The following RARG variants were observed in gnomAD, a reference collection of about 807,000 sequenced individuals.
RARG encodes the protein RAR-gamma.
A neutral mutation model predicts 43.7 loss-of-function variants in RARG; 17 were observed. That is an observed-to-expected ratio of 0.39 (90% CI 0.27 to 0.58). The LOEUF (loss-of-function observed/expected upper bound fraction) is 0.58, where lower values mean the gene tolerates loss of function less well. Ranked by LOEUF, RARG falls within the 20% of genes least tolerant of loss-of-function variation. RARG has a pLI of 0.57. For missense variants in RARG, 346 were observed against 598.7 expected, an observed-to-expected ratio of 0.58 and a Z score of 4.40; for synonymous variants, 238 against 236.4, an observed-to-expected ratio of 1.01 and a Z score of -0.06.
rs1942598452 is a variant in RARG, at chr12:53,211,876, GAGAA to G, written c.1178-17_1178-14del. The G allele has an allele frequency of 4.2e-6, 6 of 1,412,302 alleles. No homozygotes were observed. The highest frequency in any genetic ancestry group is 5.6e-6 in the Non-Finnish European group (6 of 1,063,976). The allele number at this position is 1,412,302 out of a possible 1,614,324, so 87.5% of individuals were successfully genotyped here. On this transcript the variant is annotated splice_polypyrimidine_tract_variant and intron_variant, in intron 9 of 9. Coordinates refer to ENST00000425354, the MANE Select transcript of RARG (RefSeq NM_000966.6). The surrounding 1 kb of genome is among the most constrained non-coding windows in gnomAD (Gnocchi z 4.6). Reference sequence around the variant, plus strand: ...GCCCTTTCAGCTCCTACAATGGAGAGAGAAAGAGAGAGGCTCAGGAGGACAGAGG... The same window carrying G: ...GCCCTTTCAGCTCCTACAATGGAGAGAGAGAGAGGCTCAGGAGGACAGAGG...
chr12:53,216,423 A>G (rs1441522186), intron 3 of RARG, among the ~76,000 whole-genome samples: 1 of 152,158 alleles, frequency 6.6e-6, no homozygotes, highest in African/African-American at 2.4e-5. Flanking sequence ...ACCATCAGAG[A>G]CAGTGGAGCA....
chr12:53,214,899 C>T (rs1942717594), intron 5 of RARG: 3 of 423,810 alleles, frequency 7.1e-6, no homozygotes, highest in Non-Finnish European at 1.3e-5. Flanking sequence ...ATGCAGGCGG[C>T]AGGATATCCA....
At chr12:53,220,904 C>T (rs928176458) in intron 3 of RARG, among the ~76,000 whole-genome samples, 1 of 152,168 alleles carries the variant, frequency 6.6e-6, no homozygotes, top group Non-Finnish European at 1.5e-5. Flanking sequence ...ACCTCCACCC[C>T]TCTCATTCCC....
Position 53,213,411 on chromosome 12 carries a change from C to T in RARG, c.1018+85G>A. The T allele has an allele frequency of 6.5e-7, 1 of 1,531,958 alleles. No homozygotes were observed. Among genetic ancestry groups the T allele is most frequent in the South Asian group, 1.1e-5 (1 of 88,356 alleles). The allele number at this position is 1,531,958 out of a possible 1,614,324, so 94.9% of individuals were successfully genotyped here. A position where few individuals can be genotyped will look rare whatever the true frequency, so the allele number is the denominator to read the frequency against. On this transcript the variant is annotated intron_variant, in intron 8 of 9. Transcript: ENST00000425354. This position sits in a 1 kb window ranked among gnomAD's most constrained non-coding sequence, Gnocchi z 4.7. ...CCAGCAGAAGAGACCACTGGGTCCT[C>T]CACGCCCCCTCCCAGACAGATTCCG...
chr12:53,219,978 A>C, intron 3 of RARG: 1 of 1,518,956 alleles, frequency 6.6e-7, no homozygotes, highest in Non-Finnish European at 8.8e-7. Context: ...GCGGCCAGGC[A>C]AAAGATTCAA....
chr12:53,213,387 C>T lies in RARG; in HGVS notation c.1018+109G>A. 1 of 1,492,244 alleles carries T rather than the reference C, an allele frequency of 6.7e-7. No individual in the cohort carries two copies. Among genetic ancestry groups the T allele is most frequent in the Non-Finnish European group, 9.2e-7 (1 of 1,084,992 alleles). The allele number at this position is 1,492,244 out of a possible 1,614,324, so 92.4% of individuals were successfully genotyped here. A position where few individuals can be genotyped will look rare whatever the true frequency, so the allele number is the denominator to read the frequency against. Reference sequence around the variant, plus strand: ...GGATGGGGCCAGGTGCAAGAATTACCAGCAGAAGAGACCACTGGGTCCTCC... The same window carrying T: ...GGATGGGGCCAGGTGCAAGAATTACTAGCAGAAGAGACCACTGGGTCCTCC... On this transcript the variant is annotated intron_variant, in intron 8 of 9. Transcript: ENST00000425354. This position sits in a 1 kb window ranked among gnomAD's most constrained non-coding sequence, Gnocchi z 4.7.
intron 9 of RARG, 146 bp downstream of exon 9, chr12:53,212,939 C>A: frequency 9.8e-7 from 1 of 1,018,834 alleles, no homozygotes. Context: ...CCCAAAGTCT[C>A]CCACTACTAT....
intron 3 of RARG, among the ~76,000 whole-genome samples, chr12:53,218,164 G>A (rs970596556): frequency 3.3e-5 from 5 of 151,950 alleles, no homozygotes; most frequent in Admixed American, 6.6e-5. Flanking sequence ...GCCTGCCAAC[G>A]CAGCACCAGG....
Position 53,227,475 on chromosome 12 carries a change from C to T in RARG, c.71G>A (p.Gly24Asp), listed in dbSNP as rs772794468. 3 of 1,610,046 alleles carry T rather than the reference C, an allele frequency of 1.9e-6. No homozygotes were observed. In the South Asian group the frequency reaches 3.3e-5, roughly 18 times the overall value. ...TGCCCCTGGGAAGGCGAAGGGGAAA[C>T]CTGCCCCTGGGTAGCCAGATCCAGG... ...LGPGSGYPGAGFPFAFPGALR... is the reference protein window; with the variant it reads ...LGPGSGYPGADFPFAFPGALR... Residue 24 changes from glycine to aspartate, a missense_variant, in exon 3 of 10, where the codon GGT becomes GAT. By Grantham distance (94) the Gly-to-Asp change is moderately conservative. This residue lies in a region of RARG where 90 missense variants were observed against 93.2 expected (regional missense o/e 0.97). Transcript: ENST00000425354. This position sits in a 1 kb window ranked among gnomAD's most constrained non-coding sequence, Gnocchi z 4.3.
At chr12:53,221,736 C>T (rs1255681888) in intron 3 of RARG, among the ~76,000 whole-genome samples, 3 of 151,546 alleles carry the variant, frequency 2.0e-5, no homozygotes, top group African/African-American at 7.3e-5. Context: ...ATCCCCCCCT[C>T]CCCCGCGCCC....
chr12:53,226,619 T>C (rs945900175), intron 3 of RARG, among the ~76,000 whole-genome samples: 8 of 137,960 alleles, frequency 5.8e-5, no homozygotes, highest in Non-Finnish European at 1.3e-4. Flanking sequence ...GCCTTTTTCT[T>C]TTTTTTTTTT....
At chr12:53,223,612 C>A (rs1246405393) in intron 3 of RARG, among the ~76,000 whole-genome samples, 1 of 149,900 alleles carries the variant, frequency 6.7e-6, no homozygotes, top group African/African-American at 2.5e-5. Context: ...GGAGGAGAGA[C>A]CGGGGAGGGG....
chr12:53,222,631 C>T (rs950967344), intron 3 of RARG, among the ~76,000 whole-genome samples: 22 of 152,120 alleles, frequency 1.4e-4, no homozygotes, highest in Non-Finnish European at 2.2e-4. Context: ...CAGATGCACC[C>T]CACTCATCAC....
Position 53,213,671 on chromosome 12 carries a change from T to C in RARG, c.843A>G (p.Pro281=), listed in dbSNP as rs1437105692. Reference sequence around the variant, plus strand: ...CGGAGAAGGTCATGGTGTCCTGCTCTGGGGTGTACCTTGTGCAGATACGCA... The same window carrying C: ...CGGAGAAGGTCATGGTGTCCTGCTCCGGGGTGTACCTTGTGCAGATACGCA... ...LMLRICTRYT[P]EQDTMTFSDG... The change falls in exon 8 of 10, where the codon CCA becomes CCG. Residue 281 remains proline, a synonymous_variant. Coordinates refer to ENST00000425354, the MANE Select transcript of RARG (RefSeq NM_000966.6). The surrounding 1 kb of genome is among the most constrained non-coding windows in gnomAD (Gnocchi z 4.7). 1.2e-6 allele frequency: 2 copies of C among 1,613,024 alleles called. No individual in the cohort carries two copies. The highest frequency in any genetic ancestry group is 1.7e-6 in the Non-Finnish European group (2 of 1,179,578).
intron 3 of RARG, among the ~76,000 whole-genome samples, chr12:53,219,752 T>C (rs1051918087): frequency 6.6e-6 from 1 of 151,890 alleles, no homozygotes; most frequent in African/African-American, 2.4e-5. Flanking sequence ...ACACCCACCA[T>C]AAAAACCACA....
At chr12:53,216,127 C>T (rs1049388284) in intron 3 of RARG, among the ~76,000 whole-genome samples, 2 of 152,190 alleles carry the variant, frequency 1.3e-5, no homozygotes, top group African/African-American at 4.8e-5. Flanking sequence ...GGCCTGTTTC[C>T]CTAACTATCC....
rs1160138689 is a variant in RARG, at chr12:53,213,708, T to TG, written c.814-9dup. On this transcript the variant is annotated splice_polypyrimidine_tract_variant and intron_variant, in intron 7 of 9. Coordinates refer to ENST00000425354, the MANE Select transcript of RARG (RefSeq NM_000966.6). This position sits in a 1 kb window ranked among gnomAD's most constrained non-coding sequence, Gnocchi z 4.7. ...TGTGCAGATACGCAGCATCTGGAGG[T>TG]GGGGGGTGGAGGAGGGTTAGTGCTG... The TG allele has an allele frequency of 1.3e-6, 2 of 1,576,626 alleles. No individual in the cohort carries two copies. Among genetic ancestry groups the TG allele is most frequent in the South Asian group, 1.1e-5 (1 of 88,348 alleles).
chr12:53,212,424 TGTG>T, intron 9 of RARG, among the ~76,000 whole-genome samples: 1 of 152,250 alleles, frequency 6.6e-6, no homozygotes, highest in East Asian at 1.9e-4. Context: ...TTTTTTTTGT[TGTG>T]TTGTTGTTGT....
rs1942591196 is a variant in RARG at position 53,211,661 on chromosome 12, G to A, written c.*15C>T. The A allele has an allele frequency of 2.7e-6, 4 of 1,460,666 alleles. No homozygotes were observed. The highest frequency in any genetic ancestry group is 1.5e-5 in the African/African-American group (1 of 68,140). 90.5% of individuals were successfully genotyped at this position (1,460,666 alleles called of 1,614,324 possible). On this transcript the variant is annotated 3_prime_UTR_variant, in exon 10 of 10. Coordinates refer to ENST00000425354, the MANE Select transcript of RARG (RefSeq NM_000966.6). This position sits in a 1 kb window ranked among gnomAD's most constrained non-coding sequence, Gnocchi z 4.6. ...GAAGCCCCAACCCCCACAGCGGGGA[G>A]GTCAGGGGCCCTGGTCAGGCTGGGG...
Sources: allele counts gnomAD v4.1 joint callset (sites outside exome capture counted in the v4.1 genomes callset), GRCh38; gene constraint gnomAD v4.1.1; regional missense constraint gnomAD v4.1.1; non-coding constraint Gnocchi (gnomAD v3.1); transcripts MANE v1.5; gene names NCBI Gene and HGNC (gene_info 2026-07-23, HGNC 2026-07-21).